The following BTG4 variants were observed in gnomAD, a reference collection of about 807,000 sequenced individuals.
BTG4 encodes protein BTG4.
Under a neutral mutation model 19.3 loss-of-function variants are expected in BTG4, and 10 were observed. The ratio of observed to expected loss-of-function variants is 0.52; its 90% CI spans 0.32 to 0.88. The LOEUF is 0.88. Ranked by LOEUF, BTG4 falls within the 40% of genes least tolerant of loss-of-function variation. The pLI is 0.04. For synonymous variants in BTG4, 91 were observed against 95.7 expected, an observed-to-expected ratio of 0.95 and a Z score of 0.29; for missense variants, 238 against 281.9, an observed-to-expected ratio of 0.84 and a Z score of 1.11.
chr11:111,493,021 T>G (rs1865510325), downstream of BTG4, among the ~76,000 whole-genome samples: 1 of 152,016 alleles, frequency 6.6e-6, no homozygotes, highest in South Asian at 2.1e-4. Context: ...GGGCGCACGC[T>G]TGTAGTCCCA....
chr11:111,437,239 G>A, the BTG4 span, among the ~76,000 whole-genome samples: 17 of 152,052 alleles, frequency 1.1e-4, no homozygotes, highest in African/African-American at 4.1e-4. Context: ...TCAGAGCCCA[G>A]AGACCCCCTG....
the BTG4 span, among the ~76,000 whole-genome samples, chr11:111,421,302 C>T: frequency 6.6e-6 from 1 of 152,186 alleles, no homozygotes; most frequent in East Asian, 1.9e-4. Flanking sequence ...GCATTCAGCC[C>T]TCCCCTTTAC....
downstream of BTG4, among the ~76,000 whole-genome samples, chr11:111,465,121 G>A (rs1017171887): frequency 5.9e-5 from 9 of 152,182 alleles, no homozygotes; most frequent in African/African-American, 1.9e-4. Flanking sequence ...CTTGGAATTG[G>A]AAGTCAAGAG....
the BTG4 span, among the ~76,000 whole-genome samples, chr11:111,421,136 T>C: frequency 1.9e-3 from 284 of 152,196 alleles, 1 homozygote; most frequent in African/African-American, 6.7e-3. Flanking sequence ...AGTCCAGAGA[T>C]TGGTGTGCAA....
At chr11:111,436,623 G>A in the BTG4 span, among the ~76,000 whole-genome samples, 8 of 97,632 alleles carry the variant, frequency 8.2e-5, no homozygotes, top group African/African-American at 1.2e-4. Flanking sequence ...GCAAAACTCC[G>A]TCTCAAAAAA....
At chr11:111,438,660 C>T in the BTG4 span, among the ~76,000 whole-genome samples, 3 of 152,236 alleles carry the variant, frequency 2.0e-5, no homozygotes, top group South Asian at 2.1e-4. Context: ...AAACATTAAA[C>T]ATTTTCTGGA....
At chr11:111,509,700 AAAAAACAAAAACAAAAAC>A (rs150136652) in intron 1 of BTG4, among the ~76,000 whole-genome samples, 1 of 151,778 alleles carries the variant, frequency 6.6e-6, no homozygotes, top group African/African-American at 2.4e-5. Context: ...CCATCTCAAA[AAAAAACAAAAACAAAAAC>A]AAAAACAAAA....
At chr11:111,454,479 A>G in the BTG4 span, 3 of 363,624 alleles carry the variant, frequency 8.3e-6, no homozygotes, top group Non-Finnish European at 5.4e-6. Context: ...TGGAACATAG[A>G]GTCCTAAAGG....
chr11:111,481,349 C>T (rs1436801717), intron 5 of BTG4, among the ~76,000 whole-genome samples: 2 of 151,678 alleles, frequency 1.3e-5, no homozygotes, highest in Non-Finnish European at 3.0e-5. Context: ...TATAATTCTA[C>T]CAAACATTTA....
chr11:111,405,265 C>T, the BTG4 span, among the ~76,000 whole-genome samples: 1 of 151,844 alleles, frequency 6.6e-6, no homozygotes, highest in South Asian at 2.1e-4. Flanking sequence ...TTAGCCAGGC[C>T]TGGTGGTGGG....
intron 1 of BTG4, among the ~76,000 whole-genome samples, chr11:111,502,964 ACCT>A (rs1219249191): frequency 6.6e-6 from 1 of 152,152 alleles, no homozygotes; most frequent in Admixed American, 6.6e-5. Flanking sequence ...TATTTAAATC[ACCT>A]CCTTTACATT....
chr11:111,513,041 C>T (rs749532538), upstream of BTG4: 31 of 459,144 alleles, frequency 6.8e-5, 1 homozygote, highest in South Asian at 4.5e-4. Context: ...GCCGCCCGGC[C>T]GGGAAGAAGA....
the BTG4 span, among the ~76,000 whole-genome samples, chr11:111,402,559 A>G: frequency 6.6e-6 from 1 of 152,158 alleles, no homozygotes; most frequent in African/African-American, 2.4e-5. Context: ...GGCACCTAGA[A>G]TAGGTTTGGC....
downstream of BTG4, among the ~76,000 whole-genome samples, chr11:111,493,186 C>T (rs1219093424): frequency 6.6e-6 from 1 of 151,982 alleles, no homozygotes; most frequent in Non-Finnish European, 1.5e-5. Context: ...CCAAAAGAGT[C>T]GAGGTTAGGC....
chr11:111,513,126 C>T (rs1050650861), upstream of BTG4: 5 of 391,022 alleles, frequency 1.3e-5, no homozygotes, highest in Non-Finnish European at 2.7e-5. Flanking sequence ...TCCTGCGCAG[C>T]CTGCCCCGCG....
At chr11:111,454,320 T>C in the BTG4 span, 278 of 456,356 alleles carry the variant, frequency 6.1e-4, 2 homozygotes, top group African/African-American at 5.2e-3. Flanking sequence ...AGGCAGTCTC[T>C]GTCAGTGACA....
the BTG4 span, among the ~76,000 whole-genome samples, chr11:111,413,415 C>T: frequency 6.6e-6 from 1 of 152,256 alleles, no homozygotes; most frequent in Non-Finnish European, 1.5e-5. Flanking sequence ...TTGGCATGGG[C>T]CTTGGTGAAT....
the BTG4 span, among the ~76,000 whole-genome samples, chr11:111,452,856 G>C: frequency 0.87 from 131,955 of 152,160 alleles, 57,318 homozygotes; most frequent in South Asian, 0.96. Flanking sequence ...AAGAGTTGAT[G>C]CCTGAATGAG....
chr11:111,462,717 ATG>A (rs1863472996), downstream of BTG4: 1 of 152,400 alleles, frequency 6.6e-6, no homozygotes, highest in African/African-American at 2.4e-5. Context: ...GGTGCTAGGT[ATG>A]CAGAAGGTCC....
Sources: allele counts gnomAD v4.1 joint callset (sites outside exome capture counted in the v4.1 genomes callset), GRCh38; gene constraint gnomAD v4.1.1; transcripts MANE v1.5; gene names NCBI Gene and HGNC (gene_info 2026-07-23, HGNC 2026-07-21).